The following STK3 variants were observed in gnomAD, a reference collection of about 807,000 sequenced individuals.
STK3 encodes the protein serine/threonine-protein kinase 3.
A neutral mutation model predicts 58.0 loss-of-function variants in STK3; 41 were observed. The ratio of observed to expected loss-of-function variants is 0.71; its 90% CI spans 0.55 to 0.92. The LOEUF is 0.92. STK3 is among the 40% of genes least tolerant of loss of function. The pLI, the probability that STK3 is intolerant of heterozygous loss-of-function variation, is 0.00. For missense variants in STK3, 479 were observed against 602.7 expected, an observed-to-expected ratio of 0.79 and a Z score of 2.15; for synonymous variants, 170 against 191.0, an observed-to-expected ratio of 0.89 and a Z score of 0.91.
chr8:98,715,218 A>G (rs923602334), intron 4 of STK3, among the ~76,000 whole-genome samples: 2 of 152,238 alleles, frequency 1.3e-5, no homozygotes, highest in African/African-American at 4.8e-5. Flanking sequence ...GGACATAGGC[A>G]TGGGTAAGGA....
chr8:98,825,205 C>G (rs904729265), intron 1 of STK3, among the ~76,000 whole-genome samples: 16 of 152,334 alleles, frequency 1.1e-4, no homozygotes, highest in Admixed American at 5.2e-4. Context: ...GTTTTACAGA[C>G]TGTGTAGCTA....
chr8:98,579,643 T>G, intron 8 of STK3, 21 bp downstream of exon 8: 2 of 1,598,138 alleles, frequency 1.3e-6, no homozygotes, highest in Non-Finnish European at 1.7e-6. Flanking sequence ...AAAAATCAAC[T>G]TTTTGAAGAT....
chr8:98,454,171 T>C (rs1180805534), downstream of STK3, among the ~76,000 whole-genome samples: 1 of 151,960 alleles, frequency 6.6e-6, no homozygotes, highest in Non-Finnish European at 1.5e-5. Flanking sequence ...CCAGAGACAA[T>C]ATACCTTCTG....
Position 98,462,346 on chromosome 8 carries a change from C to T in STK3, c.1318-6346G>A, listed in dbSNP as rs1010781967. ...GTACATATACACAATGGAGTACATT[C>T]GTGTGCCATATCTGTTTCTACTCAT... On this transcript the variant is annotated intron_variant, in intron 10 of 10. Coordinates refer to ENST00000419617, the MANE Select transcript of STK3 (RefSeq NM_006281.4). 3.3e-5 allele frequency among the ~76,000 whole-genome samples: 5 copies of T among 152,022 alleles called. No homozygotes were observed. The South Asian group carries it at 1.0e-3, about 32-fold the overall frequency.
chr8:98,817,060 A>T (rs531328877), intron 1 of STK3, among the ~76,000 whole-genome samples: 20 of 152,308 alleles, frequency 1.3e-4, no homozygotes, highest in South Asian at 2.1e-4. Flanking sequence ...GATTTTTTTT[A>T]AAATAGCAGG....
chr8:98,844,437 T>C (rs890198114), intron 3 of STK3, among the ~76,000 whole-genome samples: 2 of 152,096 alleles, frequency 1.3e-5, no homozygotes, highest in Admixed American at 6.6e-5. Context: ...GGGCTGACAG[T>C]ATCCCAACAC....
intron 9 of STK3, among the ~76,000 whole-genome samples, chr8:98,535,635 T>C (rs1809694172): frequency 6.6e-6 from 1 of 152,124 alleles, no homozygotes; most frequent in Non-Finnish European, 1.5e-5. Context: ...TTTGGACCTC[T>C]ATCTGAGAAA....
intron 1 of STK3, among the ~76,000 whole-genome samples, chr8:98,898,445 G>C (rs1838538776): frequency 6.6e-6 from 1 of 152,210 alleles, no homozygotes; most frequent in Admixed American, 6.5e-5. Context: ...TCAGGGAATA[G>C]TCAAGCCACT....
chr8:98,772,623 C>T (rs1445727854), intron 2 of STK3, among the ~76,000 whole-genome samples: 19 of 151,956 alleles, frequency 1.3e-4, no homozygotes, highest in Admixed American at 1.1e-3. Flanking sequence ...CCCTTGAACC[C>T]GGGAGAAGGA....
At chr8:98,828,613 A>G (rs551988507), upstream of STK3, among the ~76,000 whole-genome samples, 19 of 151,900 alleles carry the variant, frequency 1.3e-4, no homozygotes, top group East Asian at 2.3e-3. Flanking sequence ...AAAGAGAGAG[A>G]GAGGGAGGGA....
At chr8:98,753,162 G>A (rs1830084538) in intron 3 of STK3, among the ~76,000 whole-genome samples, 1 of 152,154 alleles carries the variant, frequency 6.6e-6, no homozygotes, top group Non-Finnish European at 1.5e-5. Flanking sequence ...AAAGACACAT[G>A]CATGCTTATG....
At chr8:98,771,283 T>C (rs780043721) in intron 2 of STK3, among the ~76,000 whole-genome samples, 5 of 152,254 alleles carry the variant, frequency 3.3e-5, no homozygotes, top group Non-Finnish European at 5.9e-5. Flanking sequence ...ACTTCACTAC[T>C]TTTTATGGCT....
chr8:98,406,220 C>T (rs1033248610), intron 3 of STK3, among the ~76,000 whole-genome samples: 4 of 150,948 alleles, frequency 2.6e-5, no homozygotes, highest in African/African-American at 9.8e-5. Flanking sequence ...ATCTTCCCCC[C>T]AGGCATTTTA....
chr8:98,405,031 A>T (rs1275194526), intron 3 of STK3, among the ~76,000 whole-genome samples: 1 of 152,218 alleles, frequency 6.6e-6, no homozygotes, highest in Non-Finnish European at 1.5e-5. Flanking sequence ...GCCTCCAACC[A>T]CATGACTGAA....
chr8:98,524,848 A>T (rs1205017747), intron 10 of STK3, among the ~76,000 whole-genome samples: 1 of 152,256 alleles, frequency 6.6e-6, no homozygotes, highest in African/African-American at 2.4e-5. Context: ...AGGTAAGCCC[A>T]GCAGAAGAAA....
chr8:98,441,255 T>G (rs1818684302), intron 1 of STK3, among the ~76,000 whole-genome samples: 1 of 152,228 alleles, frequency 6.6e-6, no homozygotes, highest in South Asian at 2.1e-4. Flanking sequence ...TTTCTATGAA[T>G]AGACACATCT....
intron 3 of STK3, among the ~76,000 whole-genome samples, chr8:98,865,121 T>C (rs966274671): frequency 5.9e-5 from 9 of 152,182 alleles, no homozygotes; most frequent in Non-Finnish European, 1.2e-4. Flanking sequence ...CCAGGCGTGG[T>C]GGCTCACACC....
At chr8:98,825,453 C>G (rs1381033177) in intron 1 of STK3, 62 bp downstream of exon 1, 1 of 1,411,844 alleles carries the variant, frequency 7.1e-7, no homozygotes, top group Non-Finnish European at 9.3e-7. Flanking sequence ...CTGGCCTAGC[C>G]ACCCCCGCCC....
intron 9 of STK3, among the ~76,000 whole-genome samples, chr8:98,547,635 A>G (rs1810810967): frequency 1.3e-5 from 2 of 152,170 alleles, no homozygotes; most frequent in African/African-American, 4.8e-5. Flanking sequence ...ATTTACTGGA[A>G]GATAATTTTA....
Sources: gnomAD v4.1 joint callset for allele counts (sites outside exome capture counted in the v4.1 genomes callset) on GRCh38, gnomAD v4.1.1 for gene constraint, MANE v1.5 for transcripts, NCBI Gene and HGNC (gene_info 2026-07-23, HGNC 2026-07-21) for gene names.